Variants in TCP11X2 observed in about 807,000 individuals in gnomAD.
The protein encoded by TCP11X2 is T-complex protein 11-like X-linked protein 2.
A neutral mutation model predicts 16.0 loss-of-function variants in TCP11X2; 1 was observed. The ratio of observed to expected loss-of-function variants is 0.06; its 90% CI spans 0.02 to 0.30. The LOEUF is 0.30. Ranked by LOEUF, TCP11X2 falls within the 10% of genes least tolerant of loss-of-function variation. The pLI, the probability that TCP11X2 is intolerant of heterozygous loss-of-function variation, is 1.00. For synonymous variants in TCP11X2, 2 were observed against 72.2 expected (o/e 0.03, Z 4.93); for missense variants, 13 against 184.6 (o/e 0.07, Z 5.39).
At chrX:102,463,177 T>C (rs1934581732) in exon 7 of TCP11X2, 1 of 1,168,324 alleles carries the variant, frequency 8.6e-7, no homozygotes, top group Non-Finnish European at 1.1e-6. Context: ...CAGGTAGCCT[T>C]GGTATAGCAC....
Sources: gnomAD v4.1 joint callset for allele counts on GRCh38, gnomAD v4.1.1 for gene constraint, MANE v1.5 for transcripts, NCBI Gene and HGNC (gene_info 2026-07-23, HGNC 2026-07-21) for gene names.